Variants in C17orf107 observed in about 807,000 individuals in gnomAD.
C17orf107 encodes chromosome 17 open reading frame 107.
A neutral mutation model predicts 8.9 loss-of-function variants in C17orf107; 9 were observed. That is an observed-to-expected ratio of 1.02 (90% CI 0.61 to 1.77). The LOEUF (loss-of-function observed/expected upper bound fraction) is 1.77. Among genes scored for constraint, C17orf107 ranks in the 40% most tolerant of loss-of-function variants. The probability of loss-of-function intolerance (pLI) is 0.00; values close to 1 mark genes in which losing one functional copy is unlikely to be tolerated. For missense variants in C17orf107, 281 were observed against 249.0 expected (o/e 1.13, Z -0.86); for synonymous variants, 139 against 120.3 (o/e 1.16, Z -1.02).
downstream of C17orf107, among the ~76,000 whole-genome samples, chr17:4,904,351 C>G (rs982892677): frequency 6.6e-6 from 1 of 152,124 alleles, no homozygotes. Context: ...GTGTGAGCCA[C>G]CACGCCCGGC....
rs1487083879 is a variant in C17orf107 at position 4,900,546 on chromosome 17, G to C, written c.*13G>C. On this transcript the variant is annotated 3_prime_UTR_variant, in exon 3 of 3. Transcript: ENST00000381365. ...CGGGGTGAGTTAGGGGCCAGAGGCG[G>C]CGGGGCTAGGGAGGCACTGAGCCGG... 1 of 1,550,418 alleles carries C rather than the reference G, an allele frequency of 6.4e-7. No individual in the cohort carries two copies. The highest frequency in any genetic ancestry group is 1.4e-5 in the African/African-American group (1 of 73,066).
chr17:4,899,714 G>A lies in C17orf107; in HGVS notation c.-49G>A, dbSNP rs377353872. 1.3e-4 allele frequency: 202 copies of A among 1,521,822 alleles called. No individual in the cohort carries two copies. In the African/African-American group the frequency reaches 2.4e-3, roughly 18 times the overall value. 94.3% of individuals were successfully genotyped at this position (1,521,822 alleles called of 1,614,324 possible). ...CCTCCAGCTGCGCCCCCTACACGAC[G>A]ACAGACGCGTCCCCCAGCCCTTCTC... On this transcript the variant is annotated 5_prime_UTR_variant, in exon 1 of 3. Transcript: ENST00000381365.
rs1335126261 is a variant in C17orf107 at position 4,900,314 on chromosome 17, G to A, written c.354G>A (p.Pro118=). The change falls in exon 3 of 3, where the codon CCG becomes CCA. Residue 118 remains proline (P), a synonymous_variant. Coordinates refer to ENST00000381365, the MANE Select transcript of C17orf107 (RefSeq NM_001145536.2). ...SAGPAPDGRD[P]GAALSRVAQA... ...GCCCAGCCCCAGACGGCAGGGATCC[G>A]GGTGCAGCGCTGAGCCGGGTAGCCC... is the stretch of plus-strand genomic sequence containing the variant. The A allele has an allele frequency of 5.8e-6, 9 of 1,545,358 alleles. No individual in the cohort carries two copies. The highest frequency in any genetic ancestry group is 7.9e-6 in the Non-Finnish European group (9 of 1,146,484).
chr17:4,902,881 CT>C lies in C17orf107; in HGVS notation c.*2349del. The C allele has an allele frequency of 6.3e-7, 1 of 1,582,332 alleles. No individual in the cohort carries two copies. The highest frequency in any genetic ancestry group is 1.1e-5 in the South Asian group (1 of 90,364). Reference sequence around the variant, plus strand: ...GAGGCTGTGTACTATCAGTATCTGTCTCCTAAACCAATTATGCTGTGCCTGG... The same window carrying C: ...GAGGCTGTGTACTATCAGTATCTGTCCCTAAACCAATTATGCTGTGCCTGG... On this transcript the variant is annotated 3_prime_UTR_variant, in exon 3 of 3. Transcript: ENST00000381365. This position sits in a 1 kb window ranked among gnomAD's most constrained non-coding sequence, Gnocchi z 4.0.
chr17:4,901,606 C>T lies in C17orf107; in HGVS notation c.*1073C>T, dbSNP rs1597620368. 6.2e-7 allele frequency: 1 copy of T among 1,614,016 alleles called. No individual in the cohort carries two copies. The highest frequency in any genetic ancestry group is 8.5e-7 in the Non-Finnish European group (1 of 1,180,028). On this transcript the variant is annotated 3_prime_UTR_variant, in exon 3 of 3. Coordinates refer to ENST00000381365, the MANE Select transcript of C17orf107 (RefSeq NM_001145536.2). ...ACGGCAAAAGTGAACTCCACCTCTT[C>T]GGCATTGTACGTCTGAGAGCTGCGG...
downstream of C17orf107, among the ~76,000 whole-genome samples, chr17:4,903,842 C>A (rs977910852): frequency 1.3e-5 from 2 of 152,208 alleles, no homozygotes; most frequent in South Asian, 4.1e-4. Context: ...CTTAATAGAT[C>A]CTTTTGATGT....
chr17:4,901,845 C>A lies in C17orf107; in HGVS notation c.*1312C>A, dbSNP rs1485456394. ...CTCCGCCTCCAGCGCGAAGCCCCGCCCCGAGGGCGGTGCTTCCCGGTTGGC... is the reference window on the plus strand; with the variant it reads ...CTCCGCCTCCAGCGCGAAGCCCCGCACCGAGGGCGGTGCTTCCCGGTTGGC... On this transcript the variant is annotated 3_prime_UTR_variant, in exon 3 of 3. Transcript: ENST00000381365. 32 of 1,582,996 alleles carry A rather than the reference C, an allele frequency of 2.0e-5. No homozygotes were observed. The highest frequency in any genetic ancestry group is 2.8e-5 in the Non-Finnish European group (32 of 1,157,416).
In C17orf107 at chr17:4,900,787, C is replaced by A. The variant is rs1484546606; in HGVS notation, c.*254C>A. ...GGCCACACCCCCGCGGGGGCTCCGG[C>A]TTCACCTGCCCAGGAGCGGCACGCT... On this transcript the variant is annotated 3_prime_UTR_variant, in exon 3 of 3. Coordinates refer to ENST00000381365, the MANE Select transcript of C17orf107 (RefSeq NM_001145536.2). 1 of 1,612,638 alleles carries A rather than the reference C, an allele frequency of 6.2e-7. No homozygotes were observed. The highest frequency in any genetic ancestry group is 1.3e-5 in the African/African-American group (1 of 74,898).
chr17:4,903,888 C>T (rs1970053870), downstream of C17orf107, among the ~76,000 whole-genome samples: 2 of 152,354 alleles, frequency 1.3e-5, no homozygotes, highest in South Asian at 2.1e-4. Flanking sequence ...GACCAAGTCT[C>T]GCTCTGGCGC....
At chr17:4,903,132 T>C (rs1478162782), downstream of C17orf107, 11 of 1,524,172 alleles carry the variant, frequency 7.2e-6, no homozygotes, top group Non-Finnish European at 1.0e-5. Flanking sequence ...AGGGTGCCTG[T>C]GTGAGGGGGA....
chr17:4,901,233 G>A lies in C17orf107; in HGVS notation c.*700G>A, dbSNP rs1450618945. On this transcript the variant is annotated 3_prime_UTR_variant, in exon 3 of 3. Coordinates refer to ENST00000381365, the MANE Select transcript of C17orf107 (RefSeq NM_001145536.2). Reference sequence around the variant, plus strand: ...GGTCAGCTGGCTGTCAGAGCGGGGCGCCCGCCGAGCTGACAGCGGGCTGAA... The same window carrying A: ...GGTCAGCTGGCTGTCAGAGCGGGGCACCCGCCGAGCTGACAGCGGGCTGAA... The A allele has an allele frequency of 7.6e-6, 12 of 1,582,224 alleles. No homozygotes were observed. The South Asian group carries it at 1.0e-4, about 13-fold the overall frequency.
rs1567639490 is a variant in C17orf107 at position 4,901,947 on chromosome 17, CAGTTCTGCCAATCGAAGGGGA to C, written c.*1418_*1438del. 1 of 1,607,686 alleles carries C rather than the reference CAGTTCTGCCAATCGAAGGGGA, an allele frequency of 6.2e-7. No homozygotes were observed. ...CTCTTCCCACCGGAAAATAAGCGAACAGTTCTGCCAATCGAAGGGGAAGTAGGTGACCTCCACTGCGCAGAC... is the reference window on the plus strand; with the variant it reads ...CTCTTCCCACCGGAAAATAAGCGAACAGTAGGTGACCTCCACTGCGCAGAC... On this transcript the variant is annotated 3_prime_UTR_variant, in exon 3 of 3. Coordinates refer to ENST00000381365, the MANE Select transcript of C17orf107 (RefSeq NM_001145536.2).
chr17:4,901,006 G>A lies in C17orf107; in HGVS notation c.*473G>A, dbSNP rs2151097217. On this transcript the variant is annotated 3_prime_UTR_variant, in exon 3 of 3. Coordinates refer to ENST00000381365, the MANE Select transcript of C17orf107 (RefSeq NM_001145536.2). ...ACTGCTTACCCTGCGCCGGCAGGAA[G>A]TAGGCGAGCAGCACCAGGCCCGAGA... 1.2e-6 allele frequency: 2 copies of A among 1,614,002 alleles called. No homozygotes were observed. The highest frequency in any genetic ancestry group is 1.7e-6 in the Non-Finnish European group (2 of 1,179,900).
Position 4,901,253 on chromosome 17 carries a change from G to A in C17orf107, c.*720G>A. ...GGGGCGCCCGCCGAGCTGACAGCGG[G>A]CTGAAGAGGAGGCTGCGGCTGTCTG... is the stretch of plus-strand genomic sequence containing the variant. On this transcript the variant is annotated 3_prime_UTR_variant, in exon 3 of 3. Transcript: ENST00000381365. 6.4e-7 allele frequency: 1 copy of A among 1,562,542 alleles called. No individual in the cohort carries two copies. Among genetic ancestry groups the A allele is most frequent in the Non-Finnish European group, 8.7e-7 (1 of 1,151,084 alleles).
chr17:4,899,602 T>G lies in C17orf107; in HGVS notation c.-161T>G, dbSNP rs1279667618. ...AGGAACCTGAGGAGCCCGGAAGGCA[T>G]GACATCACCGTTCCTCCTCCCAGCT... On this transcript the variant is annotated 5_prime_UTR_variant, in exon 1 of 3. The change abolishes an upstream ATG in the 5' untranslated region. Transcript: ENST00000381365. 1 of 1,535,016 alleles carries G rather than the reference T, an allele frequency of 6.5e-7. No individual in the cohort carries two copies. The highest frequency in any genetic ancestry group is 8.9e-7 in the Non-Finnish European group (1 of 1,128,788).
At position 4,900,612 on chromosome 17, in the gene C17orf107, C is replaced by G; in HGVS notation, c.*79C>G. ...AGCTACTCGGGAGACCTCCAGGTGACGTCCAGCAGCAGTGAGGAGGACGGC... is the reference window on the plus strand; with the variant it reads ...AGCTACTCGGGAGACCTCCAGGTGAGGTCCAGCAGCAGTGAGGAGGACGGC... On this transcript the variant is annotated 3_prime_UTR_variant, in exon 3 of 3. Coordinates refer to ENST00000381365, the MANE Select transcript of C17orf107 (RefSeq NM_001145536.2). 1 of 1,523,430 alleles carries G rather than the reference C, an allele frequency of 6.6e-7. No individual in the cohort carries two copies. The highest frequency in any genetic ancestry group is 2.0e-5 in the Admixed American group (1 of 50,722). 94.4% of individuals were successfully genotyped at this position (1,523,430 alleles called of 1,614,324 possible).
chr17:4,901,193 G>GCGGGA lies in C17orf107; in HGVS notation c.*665_*669dup. ...GTCGATGGCCCACTCGCCGTTCTCT[G>GCGGGA]CGGGACGGGGGCACGGTCAGCTGGC... On this transcript the variant is annotated 3_prime_UTR_variant, in exon 3 of 3. Coordinates refer to ENST00000381365, the MANE Select transcript of C17orf107 (RefSeq NM_001145536.2). 1 of 1,601,626 alleles carries GCGGGA rather than the reference G, an allele frequency of 6.2e-7. No homozygotes were observed. The highest frequency in any genetic ancestry group is 8.5e-7 in the Non-Finnish European group (1 of 1,178,096).
chr17:4,900,040 C>T lies in C17orf107; in HGVS notation c.171C>T (p.Pro57=), dbSNP rs1237793808. Residue 57 remains proline, a synonymous_variant, in exon 2 of 3, where the codon CCC becomes CCT. Coordinates refer to ENST00000381365, the MANE Select transcript of C17orf107 (RefSeq NM_001145536.2). ...GAGAGCTGAAGTCCCTGGAGCCACC[C>T]GAACCGAAGATGCAGGGGATGCTGC... The part of the protein sequence containing the change: ...RFRELKSLEP[P]EPKMQGMLPA... The T allele has an allele frequency of 1.3e-6, 2 of 1,551,344 alleles. No individual in the cohort carries two copies. Among genetic ancestry groups the T allele is most frequent in the Non-Finnish European group, 1.7e-6 (2 of 1,146,978 alleles).
chr17:4,902,815 C>T lies in C17orf107; in HGVS notation c.*2282C>T, dbSNP rs1387942164. On this transcript the variant is annotated 3_prime_UTR_variant, in exon 3 of 3. Transcript: ENST00000381365. The surrounding 1 kb of genome is among the most constrained non-coding windows in gnomAD (Gnocchi z 4.0). The stretch of plus-strand genomic sequence containing the variant: ...CATTGGCAATGAAGAGGCTGGAGCA[C>T]CTCTCTCCCCTCTGCCTCCCCTGGG... The T allele has an allele frequency of 2.5e-6, 4 of 1,612,956 alleles. No individual in the cohort carries two copies. Among genetic ancestry groups the T allele is most frequent in the Non-Finnish European group, 3.4e-6 (4 of 1,179,508 alleles).
Sources: gnomAD v4.1 joint callset for allele counts (sites outside exome capture counted in the v4.1 genomes callset) on GRCh38, gnomAD v4.1.1 for gene constraint, Gnocchi (gnomAD v3.1) non-coding constraint, MANE v1.5 for transcripts, NCBI Gene and HGNC (gene_info 2026-07-23, HGNC 2026-07-21) for gene names.